The following DPP10 variants were observed in gnomAD, a reference collection of about 807,000 sequenced individuals.
DPP10 encodes the protein dipeptidyl peptidase like 10, also known as inactive dipeptidyl peptidase 10.
DPP10 carries 33 observed loss-of-function variants against 120.9 expected under a neutral mutation model. The observed-to-expected ratio is 0.27, with a 90% CI of 0.21 to 0.37. The LOEUF is 0.37. Ranked by LOEUF, DPP10 falls within the 10% of genes least tolerant of loss-of-function variation. The pLI, the probability that DPP10 is intolerant of heterozygous loss-of-function variation, is 1.00. For synonymous variants in DPP10, 337 were observed against 326.1 expected, an observed-to-expected ratio of 1.03 and a Z score of -0.36; for missense variants, 816 against 942.8, an observed-to-expected ratio of 0.87 and a Z score of 1.76.
chr2:115,009,726 G>T (rs139412485), intron 1 of DPP10, among the ~76,000 whole-genome samples: 1,745 of 152,226 alleles, frequency 0.011, 18 homozygotes, highest in Non-Finnish European at 0.017. Flanking sequence ...GTATACCTAT[G>T]TAACACACCT....
chr2:114,879,659 G>T (rs992462277), intron 1 of DPP10, among the ~76,000 whole-genome samples: 3 of 151,978 alleles, frequency 2.0e-5, no homozygotes, highest in African/African-American at 7.2e-5. Flanking sequence ...GGGGGTCTTG[G>T]TGTCTTTGTG....
intron 2 of DPP10, chr2:115,342,049 T>G (rs2063473463): frequency 2.4e-6 from 1 of 422,142 alleles, no homozygotes; most frequent in African/African-American, 2.1e-5. Flanking sequence ...TGTACCATTT[T>G]GCATTCTTAC....
At chr2:114,468,492 G>C (rs886568329) in intron 1 of DPP10, among the ~76,000 whole-genome samples, 6 of 147,960 alleles carry the variant, frequency 4.1e-5, no homozygotes, top group Non-Finnish European at 8.9e-5. Context: ...AGGTTCATTT[G>C]TAAATCAGTT....
At chr2:114,635,077 G>A (rs1695209611) in intron 1 of DPP10, among the ~76,000 whole-genome samples, 1 of 151,444 alleles carries the variant, frequency 6.6e-6, no homozygotes, top group South Asian at 2.1e-4. Context: ...AAACAATAAG[G>A]TAATTTCTAG....
intron 1 of DPP10, among the ~76,000 whole-genome samples, chr2:114,906,717 A>G (rs1221232495): frequency 1.3e-5 from 2 of 152,136 alleles, no homozygotes; most frequent in Non-Finnish European, 2.9e-5. Context: ...CCACTTGGTC[A>G]TATTATATAA....
intron 1 of DPP10, among the ~76,000 whole-genome samples, chr2:114,500,297 T>C (rs960302897): frequency 6.6e-6 from 1 of 152,162 alleles, no homozygotes; most frequent in Non-Finnish European, 1.5e-5. Flanking sequence ...ATTGAACAAA[T>C]CCCAGAAGAG....
At chr2:115,824,094 T>G (rs1575900998) in intron 21 of DPP10, among the ~76,000 whole-genome samples, 1 of 152,140 alleles carries the variant, frequency 6.6e-6, no homozygotes, top group South Asian at 2.1e-4. Flanking sequence ...TTATGGACTT[T>G]GCCAGCAAAA....
chr2:114,724,499 T>C (rs1701913653), intron 1 of DPP10, among the ~76,000 whole-genome samples: 2 of 152,166 alleles, frequency 1.3e-5, no homozygotes, highest in Admixed American at 6.5e-5. Flanking sequence ...TTTTTATACC[T>C]CACAGTCTGT....
intron 7 of DPP10, among the ~76,000 whole-genome samples, chr2:115,720,133 C>T (rs913511609): frequency 2.0e-5 from 3 of 152,094 alleles, no homozygotes; most frequent in African/African-American, 7.2e-5. Context: ...TTGATTGTAC[C>T]AATTTATTCT....
At chr2:115,761,379 A>G (rs536743655) in intron 11 of DPP10, among the ~76,000 whole-genome samples, 228 of 152,362 alleles carry the variant, frequency 1.5e-3, no homozygotes, top group African/African-American at 5.0e-3. Flanking sequence ...ATGCTTTAAT[A>G]GAAAATAGAT....
chr2:115,090,505 A>G (rs753299691), intron 1 of DPP10, among the ~76,000 whole-genome samples: 6 of 152,092 alleles, frequency 3.9e-5, no homozygotes, highest in African/African-American at 7.2e-5. Context: ...TAAAATTCCA[A>G]TTTAGGTTTG....
At chr2:115,289,499 A>T (rs113815034) in intron 1 of DPP10, among the ~76,000 whole-genome samples, 4 of 12,258 alleles carry the variant, frequency 3.3e-4, no homozygotes, top group Non-Finnish European at 2.5e-4. Flanking sequence ...AAAAAAAAAA[A>T]AAAAAGGAAG....
At chr2:114,475,292 A>T (rs1680279732) in intron 1 of DPP10, among the ~76,000 whole-genome samples, 1 of 152,200 alleles carries the variant, frequency 6.6e-6, no homozygotes, top group African/African-American at 2.4e-5. Flanking sequence ...TGAATGAGTG[A>T]GGGTGCTATA....
intron 3 of DPP10, among the ~76,000 whole-genome samples, chr2:115,374,275 A>G (rs1021233929): frequency 3.9e-5 from 6 of 152,134 alleles, no homozygotes; most frequent in Admixed American, 2.6e-4. Flanking sequence ...GCATTGTGCA[A>G]ATACTCCCAT....
intron 2 of DPP10, among the ~76,000 whole-genome samples, chr2:115,311,363 A>G (rs929250259): frequency 2.0e-5 from 3 of 152,194 alleles, no homozygotes; most frequent in African/African-American, 4.8e-5. Context: ...GATGATTGCT[A>G]TTATTCAGTA....
chr2:115,034,602 AC>A (rs1204909385), intron 1 of DPP10, among the ~76,000 whole-genome samples: 1 of 152,162 alleles, frequency 6.6e-6, no homozygotes, highest in Non-Finnish European at 1.5e-5. Flanking sequence ...AAAACTCAAG[AC>A]CCTTCTCAGT....
intron 1 of DPP10, among the ~76,000 whole-genome samples, chr2:115,170,791 A>G (rs558484310): frequency 1.3e-5 from 2 of 152,326 alleles, no homozygotes; most frequent in South Asian, 4.1e-4. Context: ...TTGAAATGAA[A>G]GAAACTCCCC....
At chr2:114,841,758 G>A (rs1688177434) in intron 1 of DPP10, among the ~76,000 whole-genome samples, 1 of 152,090 alleles carries the variant, frequency 6.6e-6, no homozygotes, top group Non-Finnish European at 1.5e-5. Context: ...TGGGGACATG[G>A]AAAGCCATGA....
chr2:115,384,396 A>AAGAAGG, intron 3 of DPP10, among the ~76,000 whole-genome samples: 1 of 128,848 alleles, frequency 7.8e-6, no homozygotes, highest in Non-Finnish European at 1.9e-5. Flanking sequence ...GCAGAAGCAG[A>AAGAAGG]AGAAGGAGAA....
Sources: gnomAD v4.1 joint callset for allele counts (sites outside exome capture counted in the v4.1 genomes callset) on GRCh38, gnomAD v4.1.1 for gene constraint, MANE v1.5 for transcripts, NCBI Gene and HGNC (gene_info 2026-07-23, HGNC 2026-07-21) for gene names.